WDPCP: variants seen among roughly 807,000 people sequenced by gnomAD.
WDPCP encodes WD repeat-containing and planar cell polarity effector protein fritz homolog.
Under a neutral mutation model 93.1 loss-of-function variants are expected in WDPCP, and 71 were observed. That is an observed-to-expected ratio of 0.76 (90% CI 0.63 to 0.93). The LOEUF (loss-of-function observed/expected upper bound fraction) is 0.93. WDPCP is among the 40% of genes least tolerant of loss of function. The pLI, the probability that WDPCP is intolerant of heterozygous loss-of-function variation, is 0.00. For synonymous variants in WDPCP, 315 were observed against 315.0 expected, an observed-to-expected ratio of 1.00 and a Z score of 0.00; for missense variants, 844 against 887.4, an observed-to-expected ratio of 0.95 and a Z score of 0.62.
intron 3 of WDPCP, among the ~76,000 whole-genome samples, chr2:63,608,752 G>GTGA (rs1709582255): frequency 6.6e-6 from 1 of 152,158 alleles, no homozygotes; most frequent in African/African-American, 2.4e-5. Context: ...CAAGGCTGCA[G>GTGA]TGAGCTAGGA....
intron 14 of WDPCP, among the ~76,000 whole-genome samples, chr2:63,190,820 G>C (rs927319021): frequency 1.5e-4 from 23 of 152,020 alleles, no homozygotes; most frequent in Admixed American, 8.5e-4. Flanking sequence ...GGTGGGGGTG[G>C]GGTACAGGAT....
intron 2 of WDPCP, among the ~76,000 whole-genome samples, chr2:63,669,086 C>T (rs1710316725): frequency 6.6e-6 from 1 of 152,296 alleles, no homozygotes; most frequent in Non-Finnish European, 1.5e-5. Flanking sequence ...GTCAGTAACA[C>T]ATCTGTTCTT....
chr2:63,424,419 G>T (rs1558615568), intron 9 of WDPCP, among the ~76,000 whole-genome samples: 1 of 152,146 alleles, frequency 6.6e-6, no homozygotes, highest in Admixed American at 6.5e-5. Flanking sequence ...AGGCATGACT[G>T]TTCTTCACAC....
chr2:63,725,560 C>G (rs1669485486), intron 2 of WDPCP, among the ~76,000 whole-genome samples: 1 of 151,994 alleles, frequency 6.6e-6, no homozygotes, highest in Non-Finnish European at 1.5e-5. Flanking sequence ...GGGTATATAC[C>G]TAGTAGTGGG....
intron 6 of WDPCP, among the ~76,000 whole-genome samples, chr2:63,473,500 C>G (rs1449426873): frequency 3.3e-5 from 5 of 152,168 alleles, no homozygotes; most frequent in African/African-American, 1.2e-4. Flanking sequence ...TCCTAATGCA[C>G]TTGGTCATCC....
intron 2 of WDPCP, among the ~76,000 whole-genome samples, chr2:63,653,047 G>T (rs1325624310): frequency 6.6e-6 from 1 of 152,272 alleles, no homozygotes; most frequent in Non-Finnish European, 1.5e-5. Context: ...TCCTTCAATT[G>T]CTCTGGCTTT....
At chr2:63,339,005 T>C (rs1299449030) in intron 12 of WDPCP, among the ~76,000 whole-genome samples, 2 of 152,168 alleles carry the variant, frequency 1.3e-5, no homozygotes, top group African/African-American at 4.8e-5. Flanking sequence ...TCTTCCAATT[T>C]ACAAACATGG....
chr2:63,483,080 A>G (rs1198196988), intron 6 of WDPCP, among the ~76,000 whole-genome samples: 1 of 151,906 alleles, frequency 6.6e-6, no homozygotes, highest in Non-Finnish European at 1.5e-5. Context: ...AACTCTATCT[A>G]AAAAGGATTG....
intron 7 of WDPCP, among the ~76,000 whole-genome samples, chr2:63,439,438 T>C (rs889838437): frequency 2.0e-5 from 3 of 152,094 alleles, no homozygotes; most frequent in Non-Finnish European, 4.4e-5. Flanking sequence ...ATAAAATATA[T>C]ATTTGAAGTG....
chr2:63,477,053 G>A (rs983276484), intron 6 of WDPCP, among the ~76,000 whole-genome samples: 1 of 152,080 alleles, frequency 6.6e-6, no homozygotes, highest in South Asian at 2.1e-4. Context: ...AAATTTACAT[G>A]CACAATTCAA....
At chr2:63,835,944 T>C in the WDPCP span, among the ~76,000 whole-genome samples, 3,381 of 152,276 alleles carry the variant, frequency 0.022, 119 homozygotes, top group African/African-American at 0.076. Context: ...AAACTCCGCC[T>C]CCCATGTTCA....
chr2:63,528,489 C>T (rs1197017122), intron 1 of WDPCP, among the ~76,000 whole-genome samples: 1 of 152,156 alleles, frequency 6.6e-6, no homozygotes, highest in Non-Finnish European at 1.5e-5. Flanking sequence ...TTCCCCAGTT[C>T]TTGTTTTTAT....
At chr2:63,442,645 T>C (rs1476196343) in intron 6 of WDPCP, 2 of 152,208 alleles carry the variant, frequency 1.3e-5, no homozygotes, top group Non-Finnish European at 2.9e-5. Flanking sequence ...AAATGCAATC[T>C]TTTGTTGCCT....
chr2:63,360,944 T>C (rs1202621444), intron 12 of WDPCP, among the ~76,000 whole-genome samples: 1 of 152,188 alleles, frequency 6.6e-6, no homozygotes, highest in Non-Finnish European at 1.5e-5. Flanking sequence ...AAGAATGAAA[T>C]ATGTTCTAAT....
intron 14 of WDPCP, among the ~76,000 whole-genome samples, chr2:63,236,687 C>A (rs1168031006): frequency 1.3e-5 from 2 of 152,048 alleles, no homozygotes; most frequent in Non-Finnish European, 2.9e-5. Context: ...ACGCCTACAA[C>A]CAACTGATCT....
At chr2:63,275,668 G>T (rs1029557373) in intron 13 of WDPCP, among the ~76,000 whole-genome samples, 16 of 152,028 alleles carry the variant, frequency 1.1e-4, no homozygotes, top group Non-Finnish European at 2.2e-4. Context: ...CACAAGAAAT[G>T]TTTAACCAAG....
intron 13 of WDPCP, among the ~76,000 whole-genome samples, chr2:63,298,088 G>GT (rs1189528873): frequency 6.6e-6 from 1 of 152,110 alleles, no homozygotes; most frequent in African/African-American, 2.4e-5. Context: ...GGAATGCATG[G>GT]TATCTAAACG....
intron 1 of WDPCP, among the ~76,000 whole-genome samples, chr2:63,500,454 G>GTGGGTGTGTGTGTGT (rs1553412903): frequency 6.7e-6 from 1 of 149,474 alleles, no homozygotes; most frequent in African/African-American, 2.5e-5. Flanking sequence ...ATGGTGTGGG[G>GTGGGTGTGTGTGTGT]GTGTGTGTGT....
chr2:63,626,139 A>AGAAAACT (rs940991937), intron 3 of WDPCP, among the ~76,000 whole-genome samples: 6 of 152,244 alleles, frequency 3.9e-5, no homozygotes, highest in Non-Finnish European at 8.8e-5. Context: ...AGCCATATGC[A>AGAAAACT]GAAAACTGAA....
Sources: allele counts gnomAD v4.1 joint callset (sites outside exome capture counted in the v4.1 genomes callset), GRCh38; gene constraint gnomAD v4.1.1; transcripts MANE v1.5; gene names NCBI Gene and HGNC (gene_info 2026-07-23, HGNC 2026-07-21).